PDE4D: variants seen among roughly 807,000 people sequenced by gnomAD.
PDE4D encodes the protein 3',5'-cyclic-AMP phosphodiesterase 4D.
PDE4D carries 24 observed loss-of-function variants against 87.4 expected under a neutral mutation model. The ratio of observed to expected loss-of-function variants is 0.27; its 90% CI spans 0.20 to 0.39. PDE4D has a LOEUF of 0.39. Among genes scored for constraint, PDE4D ranks in the 10% least tolerant of loss-of-function variants. PDE4D has a pLI of 1.00. For synonymous variants in PDE4D, 384 were observed against 383.2 expected, an observed-to-expected ratio of 1.00 and a Z score of -0.02; for missense variants, 714 against 1,041.0, an observed-to-expected ratio of 0.69 and a Z score of 4.32.
intron 1 of PDE4D, among the ~76,000 whole-genome samples, chr5:60,254,142 G>A (rs1444376066): frequency 1.3e-5 from 2 of 151,912 alleles, no homozygotes; most frequent in African/African-American, 4.8e-5. Flanking sequence ...TCTCAAAGGA[G>A]AGGCATTGCT....
At position 59,823,986 on chromosome 5, in the gene PDE4D, A is replaced by G. The variant is rs74997043; in HGVS notation, c.455+69182T>C. ...TCTGTCGCTCTCCATTGCATCACCCAGTTTTACTGTCTTCATAGCAGTTCT... is the reference window on the plus strand; with the variant it reads ...TCTGTCGCTCTCCATTGCATCACCCGGTTTTACTGTCTTCATAGCAGTTCT... On this transcript the variant is annotated intron_variant, in intron 1 of 14. Transcript: ENST00000340635. 3.5e-3 allele frequency among the ~76,000 whole-genome samples: 523 copies of G among 151,482 alleles called. 3 individuals are homozygous for G. Among genetic ancestry groups the G allele is most frequent in the African/African-American group, 0.012 (512 of 41,228 alleles).
chr5:59,637,581 A>G (rs995769961), intron 1 of PDE4D, among the ~76,000 whole-genome samples: 3 of 152,026 alleles, frequency 2.0e-5, no homozygotes, highest in Admixed American at 6.6e-5. Flanking sequence ...AAAAAAAAAA[A>G]TGAGTTCATG....
intron 1 of PDE4D, among the ~76,000 whole-genome samples, chr5:60,326,323 A>C (rs1756790601): frequency 6.6e-6 from 1 of 152,058 alleles, no homozygotes; most frequent in African/African-American, 2.4e-5. Context: ...ACAACCTTGC[A>C]AGCATTTGCT....
rs1491437544 is a variant in PDE4D, at chr5:59,535,077, G to GT, written c.456-319110_456-319109insA. Among the ~76,000 whole-genome samples the GT allele has an allele frequency of 1.6e-3, 39 of 24,384 alleles. 1 individual carries two copies. Among genetic ancestry groups the GT allele is most frequent in the African/African-American group, 3.7e-3 (36 of 9,626 alleles). 16.0% of individuals were successfully genotyped at this position (24,384 alleles called of 152,430 possible). A position where few individuals can be genotyped will look rare whatever the true frequency, so the allele number is the denominator to read the frequency against. On this transcript the variant is annotated intron_variant, in intron 1 of 14. Transcript: ENST00000340635. ...CTTAGATTGGTGTGTGTGTGTGTGT[G>GT]GGGGGGGGGTCCTCTATCATGTATC...
intron 1 of PDE4D, among the ~76,000 whole-genome samples, chr5:59,383,731 T>C (rs144929719): frequency 6.3e-4 from 96 of 152,266 alleles, no homozygotes; most frequent in African/African-American, 2.2e-3. Flanking sequence ...TATAAAAATA[T>C]AAATTATACA....
At chr5:60,075,026 A>G (rs1443040383) in intron 2 of PDE4D, among the ~76,000 whole-genome samples, 4 of 152,160 alleles carry the variant, frequency 2.6e-5, no homozygotes, top group African/African-American at 9.6e-5. Flanking sequence ...ATTAATTTGT[A>G]TGGGTTTGAT....
At chr5:59,570,863 G>A (rs1233674504) in intron 1 of PDE4D, among the ~76,000 whole-genome samples, 2 of 152,084 alleles carry the variant, frequency 1.3e-5, no homozygotes, top group Non-Finnish European at 2.9e-5. Flanking sequence ...TAATCAAGTA[G>A]ACATGTTAAC....
intron 1 of PDE4D, among the ~76,000 whole-genome samples, chr5:60,255,736 A>T (rs1275699481): frequency 6.6e-6 from 1 of 151,800 alleles, no homozygotes; most frequent in African/African-American, 2.4e-5. Context: ...CCTTTAATCC[A>T]AGGTGGGAAG....
At chr5:60,450,275 T>C (rs1745994989) in intron 1 of PDE4D, among the ~76,000 whole-genome samples, 1 of 152,152 alleles carries the variant, frequency 6.6e-6, no homozygotes, top group African/African-American at 2.4e-5. Context: ...AAACCTGTGA[T>C]TGATATTCAT....
intron 1 of PDE4D, among the ~76,000 whole-genome samples, chr5:59,461,520 C>G (rs2153646327): frequency 6.6e-6 from 1 of 152,252 alleles, no homozygotes; most frequent in South Asian, 2.1e-4. Flanking sequence ...GACCATCTGG[C>G]TACCTAGGTA....
rs1764457477 is a variant in PDE4D, at chr5:59,780,067, A to C, written c.455+113101T>G. 2.0e-5 allele frequency among the ~76,000 whole-genome samples: 3 copies of C among 152,282 alleles called. No individual in the cohort carries two copies. The South Asian group carries it at 6.2e-4, about 32-fold the overall frequency. On this transcript the variant is annotated intron_variant, in intron 1 of 14. Coordinates refer to ENST00000340635, the MANE Select transcript of PDE4D (RefSeq NM_001104631.2). ...TCTATTTCTTAGGCAGAAGAAATTA[A>C]GAAGAGCGTCAGTGAGCCGGGCGCG... is the stretch of plus-strand genomic sequence containing the variant.
intron 2 of PDE4D, among the ~76,000 whole-genome samples, chr5:60,185,317 C>T (rs1385881433): frequency 3.9e-5 from 6 of 152,014 alleles, no homozygotes; most frequent in African/African-American, 1.2e-4. Flanking sequence ...GGCTTGTAGA[C>T]GTATATGAAT....
intron 1 of PDE4D, among the ~76,000 whole-genome samples, chr5:59,853,437 G>T (rs1744971730): frequency 6.6e-6 from 1 of 151,970 alleles, no homozygotes; most frequent in South Asian, 2.1e-4. Flanking sequence ...AAATAAAAAA[G>T]TGAAGAATAT....
intron 1 of PDE4D, among the ~76,000 whole-genome samples, chr5:59,886,485 C>A (rs1750178229): frequency 1.3e-5 from 2 of 151,610 alleles, no homozygotes; most frequent in South Asian, 4.2e-4. Flanking sequence ...CCATTCCACT[C>A]CAGCTCGGAC....
chr5:59,848,618 AC>A (rs1217179145), intron 1 of PDE4D, among the ~76,000 whole-genome samples: 1 of 152,054 alleles, frequency 6.6e-6, no homozygotes, highest in African/African-American at 2.4e-5. Context: ...CACAGTTTTA[AC>A]AATAAATAAC....
chr5:59,937,061 T>A (rs1215290151), intron 3 of PDE4D, among the ~76,000 whole-genome samples: 3 of 152,204 alleles, frequency 2.0e-5, no homozygotes, highest in Non-Finnish European at 2.9e-5. Context: ...TGAATTGTCA[T>A]GCATATCTCC....
chr5:60,479,262 A>G (rs1029588949), intron 1 of PDE4D, among the ~76,000 whole-genome samples: 1 of 152,210 alleles, frequency 6.6e-6, no homozygotes. Context: ...CTAGAACAAC[A>G]TTCTACAGCA....
chr5:60,120,339 C>T (rs1382034249), intron 2 of PDE4D, among the ~76,000 whole-genome samples: 2 of 152,108 alleles, frequency 1.3e-5, no homozygotes, highest in East Asian at 1.9e-4. Context: ...CTTTGTGTAC[C>T]TATGGAGGAT....
At chr5:59,857,225 C>T (rs1745571833) in intron 1 of PDE4D, among the ~76,000 whole-genome samples, 1 of 152,164 alleles carries the variant, frequency 6.6e-6, no homozygotes, top group Non-Finnish European at 1.5e-5. Context: ...GTTTACACAT[C>T]ACGCATTTGT....
Sources: allele counts gnomAD v4.1 joint callset (sites outside exome capture counted in the v4.1 genomes callset), GRCh38; gene constraint gnomAD v4.1.1; transcripts MANE v1.5; gene names NCBI Gene and HGNC (gene_info 2026-07-23, HGNC 2026-07-21).